The following IFT122 variants were observed in gnomAD, a reference collection of about 807,000 sequenced individuals.
IFT122 encodes the protein intraflagellar transport protein 122 homolog.
Under a neutral mutation model 161.6 loss-of-function variants are expected in IFT122, and 118 were observed. The observed-to-expected ratio is 0.73, with a 90% CI of 0.63 to 0.85. The LOEUF (loss-of-function observed/expected upper bound fraction) is 0.85, where lower values mean the gene tolerates loss of function less well. IFT122 is among the 40% of genes least tolerant of loss of function. The probability of loss-of-function intolerance (pLI) is 0.00; values close to 1 mark genes in which losing one functional copy is unlikely to be tolerated. For missense variants in IFT122, 1,381 were observed against 1,579.6 expected (o/e 0.87, Z 2.13); for synonymous variants, 550 against 602.4 (o/e 0.91, Z 1.27).
chr3:129,451,798 A>G (rs1421244788), intron 2 of IFT122, 116 bp from the exon 3 acceptor site: 15 of 890,862 alleles, frequency 1.7e-5, no homozygotes, highest in East Asian at 2.5e-5. Flanking sequence ...TTTATTGGCT[A>G]CAGATTTAGA....
chr3:129,500,237 G>C (rs2081365069), intron 19 of IFT122, among the ~76,000 whole-genome samples, 169 bp downstream of exon 19: 1 of 152,236 alleles, frequency 6.6e-6, no homozygotes. Flanking sequence ...CTGCCTTCCA[G>C]GAGCTTGTGG....
At chr3:129,511,325 A>G (rs1434881888) in intron 23 of IFT122, among the ~76,000 whole-genome samples, 2 of 152,254 alleles carry the variant, frequency 1.3e-5, no homozygotes, top group African/African-American at 4.8e-5. Flanking sequence ...AACAAAAGGT[A>G]TAGAAATTTA....
chr3:129,477,947 T>G, intron 11 of IFT122, 69 bp from the exon 12 acceptor site: 1 of 1,361,860 alleles, frequency 7.3e-7, no homozygotes, highest in South Asian at 1.2e-5. Flanking sequence ...AATGATGGCT[T>G]TTAATTTCTC....
chr3:129,502,427 C>T lies in IFT122; in HGVS notation c.2376-284C>T, dbSNP rs547154672. On this transcript the variant is annotated intron_variant, in intron 19 of 29. Transcript: ENST00000348417. ...AAAGCTCATGGCGTCATCTGGGTACCTGGTAGGGGATTAGGAGATAATTGT... is the reference window on the plus strand; with the variant it reads ...AAAGCTCATGGCGTCATCTGGGTACTTGGTAGGGGATTAGGAGATAATTGT... Among the ~76,000 whole-genome samples the T allele has an allele frequency of 5.3e-5, 8 of 152,316 alleles. No homozygotes were observed. The South Asian group carries it at 1.7e-3, about 32-fold the overall frequency.
chr3:129,504,270 G>A, intron 20 of IFT122, 49 bp from the exon 21 acceptor site: 1 of 1,442,706 alleles, frequency 6.9e-7, no homozygotes, highest in Admixed American at 1.7e-5. Context: ...TGTTTTCATG[G>A]GGGCTGCAGG....
At chr3:129,476,168 C>A in intron 9 of IFT122, 147 bp from the exon 10 acceptor site, 1 of 820,904 alleles carries the variant, frequency 1.2e-6, no homozygotes, top group Non-Finnish European at 2.0e-6. Flanking sequence ...CTGTGTTCAC[C>A]ATGGGATGAC....
chr3:129,517,836 C>G (rs991444675), intron 27 of IFT122, among the ~76,000 whole-genome samples: 1 of 152,180 alleles, frequency 6.6e-6, no homozygotes, highest in African/African-American at 2.4e-5. Context: ...GTGTGGGTCT[C>G]CCACCCTCCC....
At position 129,502,717 on chromosome 3, in the gene IFT122, C is replaced by T. The variant is rs373398441; in HGVS notation, c.2382C>T (p.Ile794=). 6.5e-5 allele frequency: 104 copies of T among 1,606,918 alleles called. No individual in the cohort carries two copies. Among genetic ancestry groups the T allele is most frequent in the Non-Finnish European group, 8.1e-5 (95 of 1,179,992 alleles). ...CGDHGWVDML[I]DIARKLDKAE... ...CTGCCCCTTCCCTCTCCAGGTTGAT[C>T]GACATCGCCCGCAAACTGGACAAGG... Residue 794 remains isoleucine (I), a synonymous_variant, in exon 20 of 30, where the codon ATC becomes ATT. Transcript: ENST00000348417.
chr3:129,470,023 A>G (rs1009757014), intron 9 of IFT122, among the ~76,000 whole-genome samples: 1 of 152,072 alleles, frequency 6.6e-6, no homozygotes, highest in African/African-American at 2.4e-5. Flanking sequence ...TAGAGATGGG[A>G]GGTCTTGTTA....
chr3:129,440,511 G>T, intron 1 of IFT122, 140 bp downstream of exon 1: 1 of 1,041,562 alleles, frequency 9.6e-7, no homozygotes, highest in South Asian at 1.4e-5. Flanking sequence ...GAGACTGCAG[G>T]GTCGCCCTCC....
intron 19 of IFT122, among the ~76,000 whole-genome samples, chr3:129,501,518 C>G (rs990371160): frequency 6.6e-6 from 1 of 152,138 alleles, no homozygotes; most frequent in African/African-American, 2.4e-5. Context: ...AGATTTTGTT[C>G]CCCACATTAT....
At chr3:129,462,359 C>G (rs901044706) in intron 5 of IFT122, among the ~76,000 whole-genome samples, 5 of 152,180 alleles carry the variant, frequency 3.3e-5, no homozygotes, top group Non-Finnish European at 5.9e-5. Context: ...AGGCACTGTT[C>G]TAAGGATTAG....
chr3:129,519,852 A>T, intron 29 of IFT122, 120 bp downstream of exon 29: 2 of 1,236,610 alleles, frequency 1.6e-6, no homozygotes, highest in South Asian at 2.4e-5. Flanking sequence ...CCAAGTTGGG[A>T]CAGAGGCTTG....
At chr3:129,464,357 C>T (rs2076489469) in intron 6 of IFT122, among the ~76,000 whole-genome samples, 1 of 152,108 alleles carries the variant, frequency 6.6e-6, no homozygotes, top group Non-Finnish European at 1.5e-5. Flanking sequence ...GATGTAGGCA[C>T]AAGCTAAGGG....
At chr3:129,518,294 A>G (rs962873690) in intron 27 of IFT122, among the ~76,000 whole-genome samples, 5 of 152,238 alleles carry the variant, frequency 3.3e-5, no homozygotes, top group African/African-American at 7.2e-5. Context: ...AGGATGCACC[A>G]GGGCAGTTGT....
chr3:129,470,052 G>A (rs970674752), intron 9 of IFT122, among the ~76,000 whole-genome samples: 10 of 151,990 alleles, frequency 6.6e-5, no homozygotes, highest in African/African-American at 1.9e-4. Context: ...CTTTGAGCAG[G>A]CCATCTTTGA....
chr3:129,516,927 C>CGT (rs2083888567), intron 26 of IFT122, among the ~76,000 whole-genome samples: 1 of 137,246 alleles, frequency 7.3e-6, no homozygotes, highest in Admixed American at 7.3e-5. Flanking sequence ...TGCACACACA[C>CGT]GGAGACTGCC....
At chr3:129,484,044 T>G (rs1262086893) in intron 15 of IFT122, among the ~76,000 whole-genome samples, 1 of 150,204 alleles carries the variant, frequency 6.7e-6, no homozygotes, top group Non-Finnish European at 1.5e-5. Context: ...TGAGTACGTG[T>G]GTGATGGTGG....
chr3:129,487,971 G>C, intron 15 of IFT122: 1 of 496,450 alleles, frequency 2.0e-6, no homozygotes, highest in South Asian at 2.0e-5. Context: ...GGCATTCCAG[G>C]TGAGGGTGAC....
Sources: allele counts gnomAD v4.1 joint callset (sites outside exome capture counted in the v4.1 genomes callset), GRCh38; gene constraint gnomAD v4.1.1; transcripts MANE v1.5; gene names NCBI Gene and HGNC (gene_info 2026-07-23, HGNC 2026-07-21).